SEZ6L: variants seen among roughly 807,000 people sequenced by gnomAD.
SEZ6L encodes seizure related 6 homolog like.
Under a neutral mutation model 106.2 loss-of-function variants are expected in SEZ6L, and 37 were observed. That is an observed-to-expected ratio of 0.35 (90% CI 0.27 to 0.46). The LOEUF (loss-of-function observed/expected upper bound fraction) is 0.46, where lower values mean the gene tolerates loss of function less well. Ranked by LOEUF, SEZ6L falls within the 20% of genes least tolerant of loss-of-function variation. The pLI, the probability that SEZ6L is intolerant of heterozygous loss-of-function variation, is 1.00. For synonymous variants in SEZ6L, 541 were observed against 570.4 expected, an observed-to-expected ratio of 0.95 and a Z score of 0.73; for missense variants, 1,172 against 1,332.8, an observed-to-expected ratio of 0.88 and a Z score of 1.88.
At chr22:26,321,721 C>T (rs2082159810) in intron 9 of SEZ6L, among the ~76,000 whole-genome samples, 2 of 152,182 alleles carry the variant, frequency 1.3e-5, no homozygotes, top group African/African-American at 2.4e-5. Context: ...TTCCATCCTC[C>T]GGGCCCCTCA....
chr22:26,273,685 G>A (rs2145843631), intron 1 of SEZ6L, among the ~76,000 whole-genome samples: 1 of 152,354 alleles, frequency 6.6e-6, no homozygotes, highest in South Asian at 2.1e-4. Context: ...TCTGGAGGAA[G>A]AGGGTAGAGA....
intron 5 of SEZ6L, among the ~76,000 whole-genome samples, chr22:26,301,899 T>G (rs754206330): frequency 6.6e-5 from 10 of 152,194 alleles, no homozygotes; most frequent in Admixed American, 1.3e-4. Flanking sequence ...GGTCAGAAAC[T>G]GTATTGCTCA....
At chr22:26,216,548 C>T (rs182785167) in intron 1 of SEZ6L, among the ~76,000 whole-genome samples, 4 of 152,182 alleles carry the variant, frequency 2.6e-5, no homozygotes, top group Admixed American at 2.6e-4. Flanking sequence ...CCCAGTTAAT[C>T]AGGAGGCTGA....
At chr22:26,294,796 C>T (rs2081245323) in intron 3 of SEZ6L, among the ~76,000 whole-genome samples, 1 of 151,864 alleles carries the variant, frequency 6.6e-6, no homozygotes, top group Admixed American at 6.6e-5. Context: ...TTCTTGCTTG[C>T]TTGCTTCCTT....
Position 26,314,095 on chromosome 22 carries a change from CAG to C in SEZ6L, c.2015+208_2015+209del, listed in dbSNP as rs796066126. On this transcript the variant is annotated intron_variant, in intron 9 of 16. Coordinates refer to ENST00000248933, the MANE Select transcript of SEZ6L (RefSeq NM_021115.5). ...ATACACACACACACACACACACACA[CAG>C]AGAGAGAGAGAGAGGAGAGAGAGAG... 4.8e-3 allele frequency among the ~76,000 whole-genome samples: 658 copies of C among 136,260 alleles called. 28 individuals carry two copies. In the South Asian group the frequency reaches 0.13, roughly 27 times the overall value. The allele number at this position is 136,260 out of a possible 152,430, so 89.4% of individuals were successfully genotyped here. A position where few individuals can be genotyped will look rare whatever the true frequency, so the allele number is the denominator to read the frequency against.
chr22:26,171,608 G>A (rs565613314), intron 1 of SEZ6L, among the ~76,000 whole-genome samples: 16 of 152,262 alleles, frequency 1.1e-4, no homozygotes, highest in Non-Finnish European at 2.4e-4. Flanking sequence ...GTAAGAGCAG[G>A]GGGAGACATG....
chr22:26,323,259 C>A (rs1031875228), intron 9 of SEZ6L, among the ~76,000 whole-genome samples: 6 of 152,256 alleles, frequency 3.9e-5, no homozygotes, highest in African/African-American at 1.4e-4. Flanking sequence ...CTGGTGCCTG[C>A]ACCCACAATG....
intron 9 of SEZ6L, among the ~76,000 whole-genome samples, chr22:26,323,230 A>G (rs781297234): frequency 1.3e-4 from 20 of 152,250 alleles, no homozygotes; most frequent in Non-Finnish European, 2.5e-4. Context: ...CTGTGGCCTC[A>G]GGCAGATTAT....
rs1041406648 is a variant in SEZ6L at position 26,371,024 on chromosome 22, A to C, written c.2795-2427A>C. ...GTATCACAAAAAAAAAAAAAAAAAA[A>C]GGGAGGGAGGTTCATATCATGCTGT... On this transcript the variant is annotated intron_variant, in intron 13 of 16. Coordinates refer to ENST00000248933, the MANE Select transcript of SEZ6L (RefSeq NM_021115.5). 8.7e-5 allele frequency among the ~76,000 whole-genome samples: 12 copies of C among 138,448 alleles called. No individual in the cohort carries two copies. The South Asian group carries it at 2.5e-3, about 28-fold the overall frequency. The allele number at this position is 138,448 out of a possible 152,430, so 90.8% of individuals were successfully genotyped here.
chr22:26,324,239 C>A (rs187974609), intron 9 of SEZ6L, among the ~76,000 whole-genome samples: 10 of 152,256 alleles, frequency 6.6e-5, no homozygotes, highest in African/African-American at 2.4e-4. Context: ...GAACATACAT[C>A]CATCTCTGCA....
intron 1 of SEZ6L, among the ~76,000 whole-genome samples, chr22:26,255,425 A>G (rs535212572): frequency 4.6e-5 from 7 of 152,224 alleles, no homozygotes; most frequent in Non-Finnish European, 5.9e-5. Flanking sequence ...GAGATTTCAA[A>G]GTGGTGTCTC....
At chr22:26,288,404 G>A (rs1341432061) in intron 1 of SEZ6L, among the ~76,000 whole-genome samples, 1 of 152,130 alleles carries the variant, frequency 6.6e-6, no homozygotes, top group African/African-American at 2.4e-5. Context: ...TGGGGTTGGA[G>A]ATTAGAAAAA....
Position 26,292,906 on chromosome 22 carries a change from C to G in SEZ6L, c.595C>G (p.Pro199Ala), listed in dbSNP as rs779898861. 40 of 1,614,060 alleles carry G rather than the reference C, an allele frequency of 2.5e-5. No homozygotes were observed. The highest frequency in any genetic ancestry group is 3.2e-5 in the Non-Finnish European group (38 of 1,180,020). ...GAGTGCGGTCCCTACAACACCCGCA[C>G]CCCTGCAAATCTCCCCCTTCACTTC... ...KESAVPTTPA[P>A]LQISPFTSQP... Residue 199 changes from proline (P) to alanine (A), a missense_variant, in exon 2 of 17, where the codon CCC (proline) becomes GCC (alanine). Physicochemically the swap from Pro to Ala is conservative, Grantham distance 27 (BLOSUM62 -1). Transcript: ENST00000248933.
chr22:26,260,516 A>ATTTTGGAGAGAATTGAGGCAATTC (rs1451887982), intron 1 of SEZ6L, among the ~76,000 whole-genome samples: 1 of 152,086 alleles, frequency 6.6e-6, no homozygotes, highest in Non-Finnish European at 1.5e-5. Flanking sequence ...ACATATGACA[A>ATTTTGGAGAGAATTGAGGCAATTC]TTTTGGAGAG....
intron 12 of SEZ6L, among the ~76,000 whole-genome samples, chr22:26,361,651 G>A (rs895371095): frequency 3.3e-5 from 5 of 152,022 alleles, no homozygotes; most frequent in South Asian, 2.1e-4. Context: ...TCTCATGTGC[G>A]TGAGCTTGTT....
chr22:26,370,187 C>T (rs150596377), intron 13 of SEZ6L, among the ~76,000 whole-genome samples: 1,765 of 152,126 alleles, frequency 0.012, 15 homozygotes, highest in Middle Eastern at 0.024. Flanking sequence ...TCGAGACCAT[C>T]CTGGCTAACA....
chr22:26,187,732 C>A (rs1465634986), intron 1 of SEZ6L, among the ~76,000 whole-genome samples: 1 of 152,192 alleles, frequency 6.6e-6, no homozygotes, highest in Non-Finnish European at 1.5e-5. Context: ...CCCGATCAGA[C>A]TGTACAGAAA....
rs138350541 is a variant in SEZ6L at position 26,220,480 on chromosome 22, G to A, written c.94+50717G>A. On this transcript the variant is annotated intron_variant, in intron 1 of 16. Transcript: ENST00000248933. ...AGACCGAGGCCTAGTCACACACCTA[G>A]CATTGGGTTGCAGGGCTCCTGACTC... Among the ~76,000 whole-genome samples the A allele has an allele frequency of 2.2e-3, 335 of 152,290 alleles. 2 individuals carry two copies. Among genetic ancestry groups the A allele is most frequent in the African/African-American group, 7.8e-3 (325 of 41,560 alleles).
At position 26,292,544 on chromosome 22, in the gene SEZ6L, A is replaced by G; in HGVS notation, c.233A>G (p.Glu78Gly). ...CCCCCCAGTTCCTCACAGTCGGCGG[A>G]AGTGCTGGGCGAGCTGGTGCTGGAT... The part of the protein sequence containing the change: ...TAPPSSSQSA[E>G]VLGELVLDGT... The change falls in exon 2 of 17, where the codon GAA (glutamate) becomes GGA (glycine). Residue 78 changes from glutamate to glycine, a missense_variant. Glu to Gly is a moderately conservative substitution (Grantham distance 98). Coordinates refer to ENST00000248933, the MANE Select transcript of SEZ6L (RefSeq NM_021115.5). 6.2e-7 allele frequency: 1 copy of G among 1,613,874 alleles called. No individual in the cohort carries two copies. The highest frequency in any genetic ancestry group is 1.1e-5 in the South Asian group (1 of 90,988).
Sources: gnomAD v4.1 joint callset for allele counts (sites outside exome capture counted in the v4.1 genomes callset) on GRCh38, gnomAD v4.1.1 for gene constraint, MANE v1.5 for transcripts, NCBI Gene and HGNC (gene_info 2026-07-23, HGNC 2026-07-21) for gene names.